LEPR: variants seen among roughly 807,000 people sequenced by gnomAD.
LEPR encodes the protein OB receptor.
A neutral mutation model predicts 114.7 loss-of-function variants in LEPR; 56 were observed. The ratio of observed to expected loss-of-function variants is 0.49; its 90% CI spans 0.39 to 0.61. LEPR has a LOEUF of 0.61. Ranked by LOEUF, LEPR falls within the 20% of genes least tolerant of loss-of-function variation. LEPR has a pLI of 0.00. For missense variants in LEPR, 1,202 were observed against 1,352.9 expected, an observed-to-expected ratio of 0.89 and a Z score of 1.75; for synonymous variants, 443 against 461.4, an observed-to-expected ratio of 0.96 and a Z score of 0.51.
intron 1 of LEPR, among the ~76,000 whole-genome samples, chr1:65,423,767 C>A (rs1646301601): frequency 6.6e-6 from 1 of 152,106 alleles, no homozygotes; most frequent in South Asian, 2.1e-4. Context: ...CAAAAATGTT[C>A]ATTGGCTTAA....
chr1:65,545,307 T>G (rs2100683507), intron 2 of LEPR, among the ~76,000 whole-genome samples: 1 of 152,206 alleles, frequency 6.6e-6, no homozygotes, highest in East Asian at 1.9e-4. Flanking sequence ...TTTATAGTCC[T>G]TTGGGTATAC....
intron 14 of LEPR, among the ~76,000 whole-genome samples, chr1:65,610,775 A>G (rs762737275): frequency 2.0e-5 from 3 of 152,212 alleles, no homozygotes; most frequent in Non-Finnish European, 4.4e-5. Context: ...TTAGCCTAGT[A>G]ATTTTCAAAG....
Position 65,440,000 on chromosome 1 carries a change from CAAAAAAAAAAAAA to C in LEPR, c.-21+14634_-21+14646del, listed in dbSNP as rs550347312. Among the ~76,000 whole-genome samples, 136 of 58,140 alleles carry C rather than the reference CAAAAAAAAAAAAA, an allele frequency of 2.3e-3. 3 individuals carry two copies. Among genetic ancestry groups the C allele is most frequent in the Admixed American group, 7.3e-3 (29 of 3,978 alleles). 38.1% of individuals were successfully genotyped at this position (58,140 alleles called of 152,430 possible). On this transcript the variant is annotated intron_variant, in intron 2 of 19. Transcript: ENST00000349533. ...TGGGCGAGGAAGAGAGATTCTGTCT[CAAAAAAAAAAAAA>C]AAAAAAAAAAAGAAAAAGAAAATTG...
chr1:65,478,211 G>A (rs1647179872), intron 2 of LEPR, among the ~76,000 whole-genome samples: 1 of 152,154 alleles, frequency 6.6e-6, no homozygotes, highest in South Asian at 2.1e-4. Flanking sequence ...TAGGATTTGG[G>A]AGACCTGGGT....
intron 19 of LEPR, chr1:65,634,984 C>G: frequency 4.9e-6 from 4 of 812,234 alleles, no homozygotes; most frequent in Non-Finnish European, 5.9e-6. Flanking sequence ...TATTTTAATA[C>G]CTACATAAGT....
chr1:65,502,873 GA>G (rs1298078225), intron 2 of LEPR, among the ~76,000 whole-genome samples: 1 of 151,478 alleles, frequency 6.6e-6, no homozygotes, highest in Non-Finnish European at 1.5e-5. Context: ...ATGTCAGAGA[GA>G]ATGGGGGTGG....
In LEPR at chr1:65,468,506, G is replaced by A. The variant is rs189337914; in HGVS notation, c.-21+43128G>A. ...AAAAAAAATTGATGGCAGAGCAGGA[G>A]TAAGTATTTTTGTTTTGTAACCTTG... On this transcript the variant is annotated intron_variant, in intron 2 of 19. Coordinates refer to ENST00000349533, the MANE Select transcript of LEPR (RefSeq NM_002303.6). Among the ~76,000 whole-genome samples the A allele has an allele frequency of 2.3e-4, 35 of 152,350 alleles. No homozygotes were observed. In the Middle Eastern group the frequency reaches 0.014, roughly 59 times the overall value.
intron 2 of LEPR, among the ~76,000 whole-genome samples, chr1:65,460,984 T>C (rs944712713): frequency 1.3e-4 from 20 of 150,308 alleles, no homozygotes; most frequent in African/African-American, 4.6e-4. Context: ...TCTTTTCTTT[T>C]TTTTTTTTTT....
intron 5 of LEPR, among the ~76,000 whole-genome samples, chr1:65,585,693 T>C (rs574440212): frequency 6.6e-6 from 1 of 152,026 alleles, no homozygotes; most frequent in Non-Finnish European, 1.5e-5. Context: ...TAAAATATTT[T>C]GTTGCATATA....
chr1:65,458,889 T>C (rs1042974135), intron 2 of LEPR, among the ~76,000 whole-genome samples: 2 of 152,226 alleles, frequency 1.3e-5, no homozygotes, highest in African/African-American at 4.8e-5. Context: ...GTCTTTCTTC[T>C]CTTTGCTTTG....
At chr1:65,602,039 GT>G in intron 10 of LEPR, 79 bp downstream of exon 10, 8 of 1,187,346 alleles carry the variant, frequency 6.7e-6, no homozygotes, top group Non-Finnish European at 1.0e-5. Flanking sequence ...TACAACAGTA[GT>G]CTTACAGATT....
At chr1:65,611,318 C>T (rs563482606) in intron 14 of LEPR, among the ~76,000 whole-genome samples, 5 of 152,310 alleles carry the variant, frequency 3.3e-5, no homozygotes, top group South Asian at 2.1e-4. Context: ...CTCCACCTCC[C>T]GGGGAATTCA....
intron 2 of LEPR, among the ~76,000 whole-genome samples, chr1:65,460,420 T>C (rs1490031598): frequency 6.6e-6 from 1 of 152,198 alleles, no homozygotes; most frequent in African/African-American, 2.4e-5. Context: ...ATAATTGAGC[T>C]TTTGTTATCT....
chr1:65,601,928 T>G lies in LEPR; in HGVS notation c.1371T>G (p.Leu457=). Residue 457 remains leucine, a synonymous_variant, in exon 10 of 20, where the codon CTT becomes CTG. Transcript: ENST00000349533. The stretch of plus-strand genomic sequence containing the variant: ...GGTCAACCAGTACAATCCAGTCACT[T>G]GCGGAAAGCACTTTGCAATTGAGGT... The part of the protein sequence containing the change: ...CRWSTSTIQS[L]AESTLQLRYH... 1 of 1,613,708 alleles carries G rather than the reference T, an allele frequency of 6.2e-7. No individual in the cohort carries two copies. Among genetic ancestry groups the G allele is most frequent in the Non-Finnish European group, 8.5e-7 (1 of 1,179,666 alleles).
chr1:65,462,940 T>C (rs1342533856), intron 2 of LEPR, among the ~76,000 whole-genome samples: 3 of 152,236 alleles, frequency 2.0e-5, no homozygotes, highest in Non-Finnish European at 2.9e-5. Flanking sequence ...TCCCATTCTA[T>C]ATGTTGCCTG....
chr1:65,575,077 ACTGGGACCAACTG>A (rs1231130362), intron 5 of LEPR, among the ~76,000 whole-genome samples: 1 of 152,182 alleles, frequency 6.6e-6, no homozygotes, highest in African/African-American at 2.4e-5. Context: ...AAACCTGGTT[ACTGGGACCAACTG>A]CTGCTGCCCA....
At chr1:65,546,639 G>A (rs1329969157) in intron 2 of LEPR, among the ~76,000 whole-genome samples, 4 of 152,128 alleles carry the variant, frequency 2.6e-5, no homozygotes, top group African/African-American at 4.8e-5. Flanking sequence ...GAATGCTTGC[G>A]ATTTTTGTAC....
At chr1:65,482,807 G>A (rs138861391) in intron 2 of LEPR, among the ~76,000 whole-genome samples, 1,568 of 152,180 alleles carry the variant, frequency 0.01, 21 homozygotes, top group South Asian at 0.06. Context: ...CCAATATGGT[G>A]AAACCCTGTC....
At position 65,437,429 on chromosome 1, in the gene LEPR, T is replaced by C. The variant is rs558426118; in HGVS notation, c.-21+12051T>C. On this transcript the variant is annotated intron_variant, in intron 2 of 19. Coordinates refer to ENST00000349533, the MANE Select transcript of LEPR (RefSeq NM_002303.6). ...TGATATATCCATTCAATGGAATGTT[T>C]TTCAGACATAAAAAGGAATGAAGTA... Among the ~76,000 whole-genome samples the C allele has an allele frequency of 1.2e-3, 186 of 152,198 alleles. 5 individuals are homozygous for C. Among genetic ancestry groups the C allele is most frequent in the Admixed American group, 2.3e-3 (35 of 15,294 alleles).
Sources: allele counts gnomAD v4.1 joint callset (sites outside exome capture counted in the v4.1 genomes callset), GRCh38; gene constraint gnomAD v4.1.1; transcripts MANE v1.5; gene names NCBI Gene and HGNC (gene_info 2026-07-23, HGNC 2026-07-21).